The following ABI2 variants were observed in gnomAD, a reference collection of about 807,000 sequenced individuals.
ABI2 encodes the protein abelson interactor 2.
A neutral mutation model predicts 59.2 loss-of-function variants in ABI2; 25 were observed. The observed-to-expected ratio is 0.42, with a 90% CI of 0.31 to 0.59. ABI2 has a LOEUF of 0.59. Ranked by LOEUF, ABI2 falls within the 20% of genes least tolerant of loss-of-function variation. The probability of loss-of-function intolerance (pLI) is 0.14; values close to 1 mark genes in which losing one functional copy is unlikely to be tolerated. For missense variants in ABI2, 545 were observed against 681.8 expected, an observed-to-expected ratio of 0.80 and a Z score of 2.23; for synonymous variants, 213 against 235.5, an observed-to-expected ratio of 0.90 and a Z score of 0.87.
At chr2:203,404,039 C>T (rs928929662) in intron 9 of ABI2, among the ~76,000 whole-genome samples, 4 of 152,040 alleles carry the variant, frequency 2.6e-5, no homozygotes, top group African/African-American at 9.7e-5. Flanking sequence ...AGGCGTGAGT[C>T]ACCGTGCCTG....
chr2:203,330,127 C>T (rs554661494), intron 1 of ABI2, among the ~76,000 whole-genome samples: 1 of 152,070 alleles, frequency 6.6e-6, no homozygotes, highest in South Asian at 2.1e-4. Context: ...TTGTAATGGC[C>T]ACATTGTTGA....
intron 1 of ABI2, among the ~76,000 whole-genome samples, chr2:203,346,780 T>A (rs541141122): frequency 4.6e-5 from 7 of 152,298 alleles, no homozygotes; most frequent in African/African-American, 1.7e-4. Context: ...GACAAAATAA[T>A]AACCTGTGGC....
At position 203,431,863 on chromosome 2, in the gene ABI2, C is replaced by G. The variant is rs1450079878; in HGVS notation, c.*4511C>G. 2 of 152,082 alleles carry G rather than the reference C, an allele frequency of 1.3e-5. No homozygotes were observed. The highest frequency in any genetic ancestry group is 4.8e-5 in the African/African-American group (2 of 41,398). The allele number at this position is 152,082 out of a possible 1,614,324, so 9.4% of individuals were successfully genotyped here. On this transcript the variant is annotated 3_prime_UTR_variant, in exon 12 of 12. Transcript: ENST00000261018. Reference sequence around the variant, plus strand: ...GCAACTTAAGAATTCTATGGAAAAGCAGTTTTTATCATATTTTGTGTCCAT... The same window carrying G: ...GCAACTTAAGAATTCTATGGAAAAGGAGTTTTTATCATATTTTGTGTCCAT...
chr2:203,359,886 T>G (rs544616127), intron 1 of ABI2, among the ~76,000 whole-genome samples: 33 of 152,150 alleles, frequency 2.2e-4, no homozygotes, highest in African/African-American at 7.7e-4. Context: ...CAATGAATAT[T>G]TAGAAATTAA....
rs903556265 is a variant in ABI2, at chr2:203,431,496, A to G, written c.*4144A>G. On this transcript the variant is annotated 3_prime_UTR_variant, in exon 12 of 12. Transcript: ENST00000261018. Reference sequence around the variant, plus strand: ...ATAATCTTCATTTACCCCTCCTAAAACTACACTCAGTATAAACACTTTCCC... The same window carrying G: ...ATAATCTTCATTTACCCCTCCTAAAGCTACACTCAGTATAAACACTTTCCC... 2 of 152,536 alleles carry G rather than the reference A, an allele frequency of 1.3e-5. No homozygotes were observed. The highest frequency in any genetic ancestry group is 1.3e-4 in the Admixed American group (2 of 15,280). 9.4% of individuals were successfully genotyped at this position (152,536 alleles called of 1,614,324 possible).
At chr2:203,374,511 A>G (rs2095546726) in intron 2 of ABI2, among the ~76,000 whole-genome samples, 1 of 151,876 alleles carries the variant, frequency 6.6e-6, no homozygotes, top group Non-Finnish European at 1.5e-5. Flanking sequence ...AAAAAAAAAA[A>G]AAAAAAAAGG....
intron 4 of ABI2, among the ~76,000 whole-genome samples, chr2:203,387,228 T>C (rs937646698): frequency 6.6e-6 from 1 of 152,318 alleles, no homozygotes; most frequent in Non-Finnish European, 1.5e-5. Context: ...AGGTGATGTC[T>C]TCTATGAATT....
intron 9 of ABI2, among the ~76,000 whole-genome samples, chr2:203,410,531 C>T (rs2097621760): frequency 6.6e-6 from 1 of 152,068 alleles, no homozygotes; most frequent in South Asian, 2.1e-4. Flanking sequence ...GATTGAGGTG[C>T]AGGGAAATAC....
At chr2:203,400,079 CTTTTTTTTTTTTTTT>C (rs10581610) in intron 8 of ABI2, among the ~76,000 whole-genome samples, 8 of 59,512 alleles carry the variant, frequency 1.3e-4, no homozygotes, top group Admixed American at 5.5e-4. Flanking sequence ...TGAATAGTGT[CTTTTTTTTTTTTTTT>C]TTTTTTTTTT....
At chr2:203,363,002 C>T (rs532922308) in intron 1 of ABI2, among the ~76,000 whole-genome samples, 33 of 151,870 alleles carry the variant, frequency 2.2e-4, no homozygotes, top group African/African-American at 6.3e-4. Flanking sequence ...GGCTATTTTT[C>T]GTATTTTTAG....
At position 203,429,206 on chromosome 2, in the gene ABI2, C is replaced by A. The variant is rs888226598; in HGVS notation, c.*1854C>A. The A allele has an allele frequency of 6.6e-6, 1 of 152,160 alleles. No individual in the cohort carries two copies. The highest frequency in any genetic ancestry group is 1.5e-5 in the Non-Finnish European group (1 of 68,026). 9.4% of individuals were successfully genotyped at this position (152,160 alleles called of 1,614,324 possible). A position where few individuals can be genotyped will look rare whatever the true frequency, so the allele number is the denominator to read the frequency against. ...CTTGCCTCCAGTATACATTCCACTT[C>A]GTGCTTTTCTTAGGTCATTTCTACA... On this transcript the variant is annotated 3_prime_UTR_variant, in exon 12 of 12. Coordinates refer to ENST00000261018, the MANE Select transcript of ABI2 (RefSeq NM_001375670.1).
intron 1 of ABI2, chr2:203,351,547 T>TTC (rs397798753): frequency 3.5e-5 from 15 of 430,288 alleles, no homozygotes; most frequent in South Asian, 2.2e-4. Context: ...TTTTTTTTTT[T>TTC]CCTTTAGAGA....
chr2:203,368,894 G>A (rs1202079412), intron 2 of ABI2, among the ~76,000 whole-genome samples: 1 of 150,574 alleles, frequency 6.6e-6, no homozygotes, highest in Non-Finnish European at 1.5e-5. Context: ...ATGGCTCACT[G>A]CAACCTCGAA....
At chr2:203,374,595 A>G (rs1253447271) in intron 2 of ABI2, among the ~76,000 whole-genome samples, 2 of 151,764 alleles carry the variant, frequency 1.3e-5, no homozygotes, top group African/African-American at 2.4e-5. Context: ...TAGACTTTTT[A>G]TACTTCCCAA....
intron 9 of ABI2, among the ~76,000 whole-genome samples, chr2:203,409,699 C>G (rs567118574): frequency 1.3e-5 from 2 of 152,182 alleles, no homozygotes; most frequent in Non-Finnish European, 2.9e-5. Flanking sequence ...TGATTTATTA[C>G]GTGCCAGCCA....
chr2:203,369,531 GA>G (rs1342304578), intron 2 of ABI2, among the ~76,000 whole-genome samples: 1 of 152,190 alleles, frequency 6.6e-6, no homozygotes, highest in Non-Finnish European at 1.5e-5. Flanking sequence ...CAGTTATTCA[GA>G]ACATTTTCTT....
At chr2:203,385,152 T>TTTTTTTTTTTTTTTTTTTTTTTGACA (rs71007511) in intron 4 of ABI2, among the ~76,000 whole-genome samples, 1 of 51,840 alleles carries the variant, frequency 1.9e-5, no homozygotes, top group Non-Finnish European at 5.6e-5. Flanking sequence ...TTTTTTTTTT[T>TTTTTTTTTTTTTTTTTTTTTTTGACA]GAGACAGTCT....
intron 10 of ABI2, among the ~76,000 whole-genome samples, chr2:203,416,417 T>C (rs531983324): frequency 6.6e-6 from 1 of 152,274 alleles, no homozygotes; most frequent in South Asian, 2.1e-4. Context: ...TGCCTTGGCC[T>C]CCTGAGTAGC....
chr2:203,366,773 C>T (rs1281437099), intron 1 of ABI2, 104 bp from the exon 2 acceptor site: 1 of 1,155,446 alleles, frequency 8.7e-7, no homozygotes, highest in Non-Finnish European at 1.2e-6. Flanking sequence ...TTTTTACTTT[C>T]TGGTGGACTC....
Sources: allele counts gnomAD v4.1 joint callset (sites outside exome capture counted in the v4.1 genomes callset), GRCh38; gene constraint gnomAD v4.1.1; transcripts MANE v1.5; gene names NCBI Gene and HGNC (gene_info 2026-07-23, HGNC 2026-07-21).